The following LHFPL3 variants were observed in gnomAD, a reference collection of about 807,000 sequenced individuals.
LHFPL3 encodes the protein LHFPL tetraspan subfamily member 3, also known as LHFPL tetraspan subfamily member 3 protein.
A neutral mutation model predicts 19.3 loss-of-function variants in LHFPL3; 5 were observed. The ratio of observed to expected loss-of-function variants is 0.26; its 90% CI spans 0.14 to 0.54. The LOEUF (loss-of-function observed/expected upper bound fraction) is 0.54. LHFPL3 is among the 20% of genes least tolerant of loss of function. LHFPL3 has a pLI of 0.94. For missense variants in LHFPL3, 249 were observed against 307.4 expected, an observed-to-expected ratio of 0.81 and a Z score of 1.42; for synonymous variants, 133 against 126.2, an observed-to-expected ratio of 1.05 and a Z score of -0.36.
intron 1 of LHFPL3, chr7:104,668,596 G>A: frequency 6.2e-7 from 1 of 1,612,738 alleles, no homozygotes; most frequent in South Asian, 1.1e-5. Flanking sequence ...GGGTATCGCA[G>A]GGATGATGAC....
chr7:104,337,355 A>G (rs922836334), intron 1 of LHFPL3, among the ~76,000 whole-genome samples: 5 of 152,148 alleles, frequency 3.3e-5, no homozygotes, highest in Non-Finnish European at 5.9e-5. Flanking sequence ...TTAATTTGAT[A>G]TCATCAATGG....
chr7:104,811,392 G>A (rs571456439), intron 2 of LHFPL3, among the ~76,000 whole-genome samples: 29 of 151,988 alleles, frequency 1.9e-4, no homozygotes, highest in African/African-American at 6.5e-4. Context: ...GTAGAGATGA[G>A]GTCTCACCAA....
rs1245732436 is a variant in LHFPL3, at chr7:104,622,827, G to T, written c.446-113848G>T. ...TAATTTCTTGTGGGTATATACCTAG[G>T]AGTGGGATTGCTGGGCTAAATGGTA... On this transcript the variant is annotated intron_variant, in intron 1 of 2. Transcript: ENST00000424859. 2.6e-5 allele frequency among the ~76,000 whole-genome samples: 4 copies of T among 152,140 alleles called. No homozygotes were observed. In the East Asian group the frequency reaches 7.7e-4, roughly 29 times the overall value.
intron 1 of LHFPL3, among the ~76,000 whole-genome samples, chr7:104,397,949 G>T (rs1452294574): frequency 6.6e-5 from 10 of 152,056 alleles, no homozygotes; most frequent in Non-Finnish European, 7.3e-5. Context: ...CTTCAAATGC[G>T]CAGTTTCTCA....
In LHFPL3 at chr7:104,585,480, A is replaced by AACACACAAACACACACACACACAC. The variant is rs368941359; in HGVS notation, c.446-151188_446-151187insAACACACACACACACACACACACA. Among the ~76,000 whole-genome samples the AACACACAAACACACACACACACAC allele has an allele frequency of 3.2e-5, 4 of 123,362 alleles. No individual in the cohort carries two copies. In the East Asian group the frequency reaches 9.5e-4, roughly 29 times the overall value. 80.9% of individuals were successfully genotyped at this position (123,362 alleles called of 152,430 possible). ...AAAGTGGAATAAGGCAACACACACA[A>AACACACAAACACACACACACACAC]ACACACACACACACACACACACACA... On this transcript the variant is annotated intron_variant, in intron 1 of 2. Coordinates refer to ENST00000424859, the MANE Select transcript of LHFPL3 (RefSeq NM_199000.3).
chr7:104,784,800 T>G (rs1185430155), intron 2 of LHFPL3, among the ~76,000 whole-genome samples: 1 of 152,248 alleles, frequency 6.6e-6, no homozygotes, highest in Non-Finnish European at 1.5e-5. Flanking sequence ...TTGTGCTATG[T>G]GAAATAAGCC....
chr7:104,762,958 C>T (rs770623966), intron 2 of LHFPL3, among the ~76,000 whole-genome samples: 1 of 152,144 alleles, frequency 6.6e-6, no homozygotes, highest in Non-Finnish European at 1.5e-5. Context: ...AAGGATGTGA[C>T]CCTTCGTGGT....
At chr7:104,375,548 A>C (rs1330746922) in intron 1 of LHFPL3, among the ~76,000 whole-genome samples, 1 of 152,190 alleles carries the variant, frequency 6.6e-6, no homozygotes, top group Non-Finnish European at 1.5e-5. Flanking sequence ...GAAAAACTGG[A>C]CTTGATGAAA....
At chr7:104,574,601 C>A (rs76907624) in intron 1 of LHFPL3, among the ~76,000 whole-genome samples, 1,912 of 152,160 alleles carry the variant, frequency 0.013, 42 homozygotes, top group African/African-American at 0.044. Context: ...ATACAGTTTT[C>A]AAAATGCTTT....
chr7:104,680,071 G>C (rs948934673), intron 1 of LHFPL3, among the ~76,000 whole-genome samples: 1 of 152,140 alleles, frequency 6.6e-6, no homozygotes, highest in Non-Finnish European at 1.5e-5. Flanking sequence ...TGATTAATCA[G>C]CTTCTCAAAC....
intron 1 of LHFPL3, among the ~76,000 whole-genome samples, chr7:104,501,824 G>C (rs2115734393): frequency 6.6e-6 from 1 of 152,330 alleles, no homozygotes; most frequent in African/African-American, 2.4e-5. Context: ...ATATTCTGCA[G>C]CTATGTTTAG....
intron 1 of LHFPL3, among the ~76,000 whole-genome samples, chr7:104,643,647 C>T (rs1791877294): frequency 6.6e-6 from 1 of 152,300 alleles, no homozygotes; most frequent in African/African-American, 2.4e-5. Context: ...GCCTGGACCC[C>T]ACCCCAAAGG....
intron 1 of LHFPL3, among the ~76,000 whole-genome samples, chr7:104,616,052 G>A (rs1344065836): frequency 6.6e-6 from 1 of 152,074 alleles, no homozygotes; most frequent in Non-Finnish European, 1.5e-5. Context: ...CGTGAAAATG[G>A]CCATACTGCC....
intron 1 of LHFPL3, among the ~76,000 whole-genome samples, chr7:104,347,447 G>A (rs1269303140): frequency 1.3e-5 from 2 of 152,090 alleles, no homozygotes; most frequent in Non-Finnish European, 2.9e-5. Flanking sequence ...GGATTGGGGC[G>A]CTGCAGAATG....
At position 104,755,582 on chromosome 7, in the gene LHFPL3, C is replaced by CCACACACACACA. The variant is rs35584345; in HGVS notation, c.682+18680_682+18691dup. Among the ~76,000 whole-genome samples the CCACACACACACA allele has an allele frequency of 2.9e-4, 44 of 150,592 alleles. No homozygotes were observed. In the South Asian group the frequency reaches 8.2e-3, roughly 28 times the overall value. On this transcript the variant is annotated intron_variant, in intron 2 of 2. Transcript: ENST00000424859. ...TTCTCTCCCCCAACCCCCAACACCA[C>CCACACACACACA]CACACACACACACACACACAGAGAG...
rs552134490 is a variant in LHFPL3, at chr7:104,328,883, C to T, written c.104C>T (p.Ala35Val). 188 of 1,614,204 alleles carry T rather than the reference C, an allele frequency of 1.2e-4. No individual in the cohort carries two copies. The highest frequency in any genetic ancestry group is 8.5e-6 in the Non-Finnish European group (10 of 1,180,040). ...YHTNYVRNSRAIGVLWAIFTI... is the reference protein window; with the variant it reads ...YHTNYVRNSRVIGVLWAIFTI... ...ACCAACTATGTGCGGAACTCGCGGGCCATCGGCGTGCTGTGGGCCATCTTC... is the reference window on the plus strand; with the variant it reads ...ACCAACTATGTGCGGAACTCGCGGGTCATCGGCGTGCTGTGGGCCATCTTC... Residue 35 changes from alanine (A) to valine (V), a missense_variant, in exon 1 of 3, where the codon GCC becomes GTC. Coordinates refer to ENST00000424859, the MANE Select transcript of LHFPL3 (RefSeq NM_199000.3). The surrounding 1 kb of genome is among the most constrained non-coding windows in gnomAD (Gnocchi z 4.6).
chr7:104,869,612 G>C (rs1791793627), intron 2 of LHFPL3, among the ~76,000 whole-genome samples: 1 of 152,054 alleles, frequency 6.6e-6, no homozygotes, highest in Non-Finnish European at 1.5e-5. Flanking sequence ...AGAGGATGTG[G>C]AGAAATAGGA....
intron 1 of LHFPL3, among the ~76,000 whole-genome samples, chr7:104,684,397 CTG>C: frequency 6.6e-6 from 1 of 152,350 alleles, no homozygotes; most frequent in Non-Finnish European, 1.5e-5. Context: ...TGGTAGATGA[CTG>C]TTGCAACTGC....
intron 1 of LHFPL3, among the ~76,000 whole-genome samples, chr7:104,603,852 G>A (rs1337345557): frequency 6.6e-6 from 1 of 152,204 alleles, no homozygotes; most frequent in Non-Finnish European, 1.5e-5. Context: ...ACACTGGGGT[G>A]GGGGTTGAGC....
Sources: gnomAD v4.1 joint callset for allele counts (sites outside exome capture counted in the v4.1 genomes callset) on GRCh38, gnomAD v4.1.1 for gene constraint, Gnocchi (gnomAD v3.1) non-coding constraint, MANE v1.5 for transcripts, NCBI Gene and HGNC (gene_info 2026-07-23, HGNC 2026-07-21) for gene names.